CDK14: variants seen among roughly 807,000 people sequenced by gnomAD.
The protein encoded by CDK14 is cyclin dependent kinase 14.
In CDK14, 34 loss-of-function variants were observed where a neutral mutation model predicts 60.7. The observed-to-expected ratio is 0.56, with a 90% CI of 0.43 to 0.75. CDK14 has a LOEUF of 0.75. Among genes scored for constraint, CDK14 ranks in the 30% least tolerant of loss-of-function variants. The pLI, the probability that CDK14 is intolerant of heterozygous loss-of-function variation, is 0.00. For synonymous variants in CDK14, 197 were observed against 203.7 expected, an observed-to-expected ratio of 0.97 and a Z score of 0.28; for missense variants, 482 against 564.1, an observed-to-expected ratio of 0.85 and a Z score of 1.47.
intron 9 of CDK14, among the ~76,000 whole-genome samples, chr7:90,965,855 C>G (rs149003756): frequency 2.7e-4 from 41 of 152,212 alleles, no homozygotes; most frequent in African/African-American, 9.2e-4. Context: ...CCTAGAGCTT[C>G]TGGTATTGCT....
intron 5 of CDK14, among the ~76,000 whole-genome samples, chr7:90,861,397 A>T (rs73401839): frequency 2.6e-5 from 4 of 152,190 alleles, no homozygotes; most frequent in Non-Finnish European, 5.9e-5. Context: ...GTGATAGCAA[A>T]GAGTGACACA....
chr7:91,187,563 C>T (rs1802228523), intron 14 of CDK14, among the ~76,000 whole-genome samples: 1 of 152,128 alleles, frequency 6.6e-6, no homozygotes, highest in Non-Finnish European at 1.5e-5. Context: ...GGTAAATACC[C>T]AAGGTCTGTA....
chr7:90,812,384 G>T (rs1789162330), intron 5 of CDK14, among the ~76,000 whole-genome samples: 1 of 152,014 alleles, frequency 6.6e-6, no homozygotes, highest in Admixed American at 6.6e-5. Flanking sequence ...ACCAAACACG[G>T]CATGTTCTCA....
intron 2 of CDK14, among the ~76,000 whole-genome samples, chr7:90,720,675 T>C (rs1474541663): frequency 6.6e-6 from 1 of 152,224 alleles, no homozygotes; most frequent in Non-Finnish European, 1.5e-5. Context: ...ACTATACTTA[T>C]TAACAGTGTG....
intron 5 of CDK14, among the ~76,000 whole-genome samples, chr7:90,837,194 T>C (rs1790132405): frequency 6.6e-6 from 1 of 152,158 alleles, no homozygotes; most frequent in African/African-American, 2.4e-5. Context: ...CATGCAAAGG[T>C]TGTATAAGAG....
At chr7:90,998,749 T>C (rs980194787) in intron 10 of CDK14, among the ~76,000 whole-genome samples, 2 of 152,034 alleles carry the variant, frequency 1.3e-5, no homozygotes, top group Admixed American at 1.3e-4. Flanking sequence ...ATTAGCTGGG[T>C]GTGGTTGCAG....
intron 4 of CDK14, among the ~76,000 whole-genome samples, chr7:90,785,040 A>G (rs184864214): frequency 2.6e-5 from 4 of 152,182 alleles, no homozygotes; most frequent in Admixed American, 2.0e-4. Context: ...ATTTCCTTCT[A>G]TTGCTTCTAG....
At chr7:90,959,828 T>C (rs1794548009) in intron 9 of CDK14, among the ~76,000 whole-genome samples, 2 of 152,166 alleles carry the variant, frequency 1.3e-5, no homozygotes, top group African/African-American at 4.8e-5. Flanking sequence ...CTCATCAAGA[T>C]AGATAGTTTT....
At chr7:90,918,276 T>A (rs772117522) in intron 8 of CDK14, among the ~76,000 whole-genome samples, 7 of 152,202 alleles carry the variant, frequency 4.6e-5, no homozygotes, top group South Asian at 2.1e-4. Context: ...CTTCCCAGAA[T>A]TGACTGTTGT....
At chr7:90,869,363 A>G (rs890552367) in intron 6 of CDK14, among the ~76,000 whole-genome samples, 5 of 152,204 alleles carry the variant, frequency 3.3e-5, no homozygotes, top group African/African-American at 1.2e-4. Context: ...CTAGGCAGAA[A>G]GCTTGTCTGA....
intron 12 of CDK14, among the ~76,000 whole-genome samples, chr7:91,081,824 C>T (rs1216341612): frequency 6.6e-6 from 1 of 151,560 alleles, no homozygotes; most frequent in Non-Finnish European, 1.5e-5. Flanking sequence ...AATATAAGAT[C>T]CAACAGATAT....
intron 14 of CDK14, among the ~76,000 whole-genome samples, chr7:91,204,291 A>T (rs1802815376): frequency 6.6e-6 from 1 of 152,308 alleles, no homozygotes; most frequent in South Asian, 2.1e-4. Context: ...TGGACCAAAG[A>T]TCTAAATGCA....
At chr7:91,159,373 A>G (rs553611613) in intron 14 of CDK14, among the ~76,000 whole-genome samples, 2 of 152,354 alleles carry the variant, frequency 1.3e-5, no homozygotes, top group African/African-American at 4.8e-5. Context: ...ATTTTCTAAG[A>G]TAACACTTAA....
intron 14 of CDK14, among the ~76,000 whole-genome samples, chr7:91,145,768 G>A (rs1800608110): frequency 6.6e-6 from 1 of 152,064 alleles, no homozygotes; most frequent in Admixed American, 6.6e-5. Context: ...TATGTATCTA[G>A]CCTCTCTGAA....
chr7:90,801,904 C>T (rs1337192993), intron 5 of CDK14, among the ~76,000 whole-genome samples: 1 of 152,136 alleles, frequency 6.6e-6, no homozygotes, highest in Non-Finnish European at 1.5e-5. Flanking sequence ...ATCACCTTCC[C>T]AGTGGAGAGA....
chr7:91,021,826 T>C (rs997776323), intron 10 of CDK14, among the ~76,000 whole-genome samples: 8 of 152,350 alleles, frequency 5.3e-5, no homozygotes, highest in African/African-American at 1.9e-4. Flanking sequence ...TTGAAGCCTG[T>C]GACTCTTAAA....
intron 9 of CDK14, among the ~76,000 whole-genome samples, chr7:90,975,604 A>G (rs895303163): frequency 1.8e-4 from 27 of 151,968 alleles, no homozygotes; most frequent in African/African-American, 6.5e-4. Flanking sequence ...AACTATAGTC[A>G]TCCTACATTG....
intron 2 of CDK14, among the ~76,000 whole-genome samples, chr7:90,703,856 A>G (rs1455270076): frequency 1.3e-5 from 2 of 152,124 alleles, no homozygotes; most frequent in African/African-American, 4.8e-5. Flanking sequence ...GAGGCCAAGG[A>G]GGGTGGATCA....
chr7:90,799,952 T>C (rs1788576500), intron 5 of CDK14, among the ~76,000 whole-genome samples: 1 of 151,998 alleles, frequency 6.6e-6, no homozygotes, highest in African/African-American at 2.4e-5. Flanking sequence ...AGCATCCACA[T>C]AGGACAAGAA....
Sources: gnomAD v4.1 joint callset for allele counts (sites outside exome capture counted in the v4.1 genomes callset) on GRCh38, gnomAD v4.1.1 for gene constraint, MANE v1.5 for transcripts, NCBI Gene and HGNC (gene_info 2026-07-23, HGNC 2026-07-21) for gene names.